The following TBC1D9 variants were observed in gnomAD, a reference collection of about 807,000 sequenced individuals.
TBC1D9 encodes TBC1 domain family member 9, also known as TBC1 domain family member 9A.
A neutral mutation model predicts 132.0 loss-of-function variants in TBC1D9; 63 were observed. That is an observed-to-expected ratio of 0.48 (90% CI 0.39 to 0.59). The LOEUF is 0.59. Among genes scored for constraint, TBC1D9 ranks in the 20% least tolerant of loss-of-function variants. TBC1D9 has a pLI of 0.00. For synonymous variants in TBC1D9, 610 were observed against 609.9 expected (o/e 1.00, Z 0.00); for missense variants, 1,261 against 1,592.7 (o/e 0.79, Z 3.54).
intron 11 of TBC1D9, among the ~76,000 whole-genome samples, chr4:140,659,252 C>T (rs1175433674): frequency 6.6e-6 from 1 of 152,136 alleles, no homozygotes; most frequent in Non-Finnish European, 1.5e-5. Context: ...TTCGTAGGTT[C>T]CCATCCTCTT....
chr4:140,669,525 G>A, intron 8 of TBC1D9, 109 bp downstream of exon 8: 1 of 1,240,022 alleles, frequency 8.1e-7, no homozygotes, highest in Non-Finnish European at 1.1e-6. Context: ...TTAACTTATA[G>A]GAAAATCTCC....
intron 13 of TBC1D9, chr4:140,643,246 G>A: frequency 7.6e-7 from 1 of 1,317,956 alleles, no homozygotes; most frequent in Non-Finnish European, 1.1e-6. Context: ...CTCCTCTCCA[G>A]CTCCAGCTCT....
chr4:140,673,697 C>T (rs1422413002), intron 6 of TBC1D9, among the ~76,000 whole-genome samples: 2 of 152,164 alleles, frequency 1.3e-5, no homozygotes, highest in African/African-American at 4.8e-5. Flanking sequence ...AGCTTGATTT[C>T]TAAATGCTAC....
intron 19 of TBC1D9, 44 bp downstream of exon 19, chr4:140,624,270 T>C (rs1467650318): frequency 3.7e-6 from 6 of 1,611,268 alleles, no homozygotes; most frequent in Non-Finnish European, 4.2e-6. Flanking sequence ...AAAACAAGTG[T>C]ACAACCAGCA....
At chr4:140,678,476 T>A (rs1737658077) in intron 5 of TBC1D9, among the ~76,000 whole-genome samples, 1 of 152,194 alleles carries the variant, frequency 6.6e-6, no homozygotes, top group African/African-American at 2.4e-5. Context: ...CCTCATCCCA[T>A]GCCCTGCCAC....
chr4:140,744,202 T>C lies in TBC1D9; in HGVS notation c.130+11714A>G, dbSNP rs540082113. On this transcript the variant is annotated intron_variant, in intron 1 of 20. Coordinates refer to ENST00000442267, the MANE Select transcript of TBC1D9 (RefSeq NM_015130.3). ...TTTCCTGTCAGCAGCATTTTCCTATTAATAATATGTATTATGAGCCAACTC... is the reference window on the plus strand; with the variant it reads ...TTTCCTGTCAGCAGCATTTTCCTATCAATAATATGTATTATGAGCCAACTC... Among the ~76,000 whole-genome samples the C allele has an allele frequency of 5.9e-5, 9 of 152,168 alleles. No homozygotes were observed. The East Asian group carries it at 1.5e-3, about 26-fold the overall frequency.
intron 1 of TBC1D9, chr4:140,716,087 G>A (rs542499052): frequency 1.3e-5 from 2 of 152,320 alleles, no homozygotes; most frequent in African/African-American, 4.8e-5. Flanking sequence ...AAATGTAAAT[G>A]ACCTGTAAAT....
In TBC1D9 at chr4:140,657,059, C is replaced by T. The variant is rs775098415; in HGVS notation, c.2337+38G>A. On this transcript the variant is annotated intron_variant, in intron 13 of 20. Coordinates refer to ENST00000442267, the MANE Select transcript of TBC1D9 (RefSeq NM_015130.3). ...CAGGCAGCAGTGGAAGTGTCGAATG[C>T]ATGGTTAAGCCCTGCTCAGCCAGGA... 4 of 1,604,140 alleles carry T rather than the reference C, an allele frequency of 2.5e-6. No homozygotes were observed. The Admixed American group carries it at 6.8e-5, about 27-fold the overall frequency.
At chr4:140,625,473 C>G (rs1401637058) in intron 18 of TBC1D9, among the ~76,000 whole-genome samples, 1 of 152,140 alleles carries the variant, frequency 6.6e-6, no homozygotes, top group African/African-American at 2.4e-5. Context: ...AGGGTGCATT[C>G]CAGCACTTCT....
intron 10 of TBC1D9, among the ~76,000 whole-genome samples, chr4:140,661,523 T>C (rs1231690074): frequency 6.6e-6 from 1 of 152,156 alleles, no homozygotes; most frequent in Non-Finnish European, 1.5e-5. Flanking sequence ...AAGGATCTTC[T>C]CCAGGTCACC....
rs1456163786 is a variant in TBC1D9, at chr4:140,634,153, G to A, written c.2541C>T (p.Ser847=). ...GGTCATGCCGGTCCAGCGCGTTGCTGCTCCCGCCCCAGTAGCAGCTGGTGA... is the reference window on the plus strand; with the variant it reads ...GGTCATGCCGGTCCAGCGCGTTGCTACTCCCGCCCCAGTAGCAGCTGGTGA... The part of the protein sequence containing the change: ...EHLTSCYWGG[S]SNALDRHDPS... Residue 847 remains serine (S), a synonymous_variant, in exon 16 of 21, where the codon AGC becomes AGT. Coordinates refer to ENST00000442267, the MANE Select transcript of TBC1D9 (RefSeq NM_015130.3). 6.2e-7 allele frequency: 1 copy of A among 1,613,628 alleles called. No homozygotes were observed. Among genetic ancestry groups the A allele is most frequent in the African/African-American group, 1.3e-5 (1 of 74,936 alleles).
chr4:140,698,601 G>A (rs1738013255), intron 2 of TBC1D9, among the ~76,000 whole-genome samples: 1 of 152,000 alleles, frequency 6.6e-6, no homozygotes, highest in Non-Finnish European at 1.5e-5. Flanking sequence ...TACAAAAACT[G>A]GCAGGGCGTG....
In TBC1D9 at chr4:140,705,512, A is replaced by ATG. The variant is rs139885350; in HGVS notation, c.131-3900_131-3899dup. The stretch of plus-strand genomic sequence containing the variant: ...AAATGGACAAGTGAGGGGTGTGTGC[A>ATG]TGTGTGTGTGTGTGTGTGTGTGTGT... On this transcript the variant is annotated intron_variant, in intron 1 of 20. Coordinates refer to ENST00000442267, the MANE Select transcript of TBC1D9 (RefSeq NM_015130.3). Among the ~76,000 whole-genome samples, 1,063 of 142,136 alleles carry ATG rather than the reference A, an allele frequency of 7.5e-3. 11 individuals are homozygous for ATG. Among genetic ancestry groups the ATG allele is most frequent in the East Asian group, 0.023 (113 of 4,898 alleles). 93.2% of individuals were successfully genotyped at this position (142,136 alleles called of 152,430 possible).
chr4:140,638,445 G>A (rs1395816156), intron 15 of TBC1D9, among the ~76,000 whole-genome samples: 1 of 151,154 alleles, frequency 6.6e-6, no homozygotes, highest in Non-Finnish European at 1.5e-5. Flanking sequence ...AGGTCGAGGT[G>A]GAGGTCAGGA....
rs1228807154 is a variant in TBC1D9 at position 140,628,360 on chromosome 4, C to T, written c.2752G>A (p.Ala918Thr). The change falls in exon 17 of 21, where the codon GCA becomes ACA. Residue 918 changes from alanine (A) to threonine (T), a missense_variant. Around this residue, in one of 3 missense-constraint regions of TBC1D9, gnomAD observed 618 missense variants for 724.4 expected, o/e 0.85. Transcript: ENST00000442267. Reference protein sequence around the residue: ...FREFVSGLSAACHGDLTEKLK... With the variant: ...FREFVSGLSATCHGDLTEKLK... ...TTCTCTGTGAGGTCCCCATGGCATGCAGCACCTAGAAGTCACATAAGTACC... is the reference window on the plus strand; with the variant it reads ...TTCTCTGTGAGGTCCCCATGGCATGTAGCACCTAGAAGTCACATAAGTACC... 2 of 1,613,768 alleles carry T rather than the reference C, an allele frequency of 1.2e-6. No individual in the cohort carries two copies. The highest frequency in any genetic ancestry group is 1.7e-5 in the Admixed American group (1 of 60,018).
chr4:140,688,663 T>C (rs918004689), intron 2 of TBC1D9, among the ~76,000 whole-genome samples: 14 of 152,114 alleles, frequency 9.2e-5, no homozygotes, highest in Non-Finnish European at 1.9e-4. Context: ...AGTGAGACCC[T>C]GTGGAGAGAG....
intron 13 of TBC1D9, among the ~76,000 whole-genome samples, chr4:140,646,260 AAAGCT>A (rs960198537): frequency 9.8e-5 from 15 of 152,324 alleles, no homozygotes; most frequent in African/African-American, 3.6e-4. Flanking sequence ...GGTAAGCAGC[AAAGCT>A]AAGTTCAAAC....
Position 140,622,633 on chromosome 4 carries a change from G to A in TBC1D9, c.3363C>T (p.Ser1121=), listed in dbSNP as rs537809337. 2.5e-5 allele frequency: 41 copies of A among 1,611,808 alleles called. No individual in the cohort carries two copies. In the South Asian group the frequency reaches 4.0e-4, roughly 16 times the overall value. The change falls in exon 21 of 21, where the codon AGC becomes AGT. Residue 1121 remains serine, a synonymous_variant. Transcript: ENST00000442267. ...TTTGTCCTCCAAGGGAGTGTTCCTC[G>A]CTGTCGGGGGCCAGGCTGGCCGGCA... The part of the protein sequence containing the change: ...EPLPASLAPD[S]EEHSLGGQME...
At chr4:140,656,986 T>C (rs141784642) in intron 13 of TBC1D9, 111 bp downstream of exon 13, 45 of 1,329,172 alleles carry the variant, frequency 3.4e-5, no homozygotes, top group Middle Eastern at 5.6e-4. Flanking sequence ...GAGAAATAAA[T>C]ATCTGTTCTT....
Sources: allele counts gnomAD v4.1 joint callset (sites outside exome capture counted in the v4.1 genomes callset), GRCh38; gene constraint gnomAD v4.1.1; regional missense constraint gnomAD v4.1.1; transcripts MANE v1.5; gene names NCBI Gene and HGNC (gene_info 2026-07-23, HGNC 2026-07-21).